RFC5: variants seen among roughly 807,000 people sequenced by gnomAD.
RFC5 encodes the protein A1 36 kDa subunit.
A neutral mutation model predicts 44.3 loss-of-function variants in RFC5; 26 were observed. The ratio of observed to expected loss-of-function variants is 0.59; its 90% CI spans 0.43 to 0.81. The LOEUF is 0.81. Ranked by LOEUF, RFC5 falls within the 40% of genes least tolerant of loss-of-function variation. The pLI, the probability that RFC5 is intolerant of heterozygous loss-of-function variation, is 0.00. For synonymous variants in RFC5, 155 were observed against 155.2 expected, an observed-to-expected ratio of 1.00 and a Z score of 0.01; for missense variants, 328 against 418.6, an observed-to-expected ratio of 0.78 and a Z score of 1.89.
chr12:118,035,445 G>GC (rs2031489406), downstream of RFC5: 1 of 782,944 alleles, frequency 1.3e-6, no homozygotes, highest in Non-Finnish European at 2.1e-6. Flanking sequence ...TGCATTGTGT[G>GC]CCCCTCGTGG....
intron 8 of RFC5, 156 bp downstream of exon 8, chr12:118,027,174 G>A: frequency 1.4e-6 from 1 of 706,304 alleles, no homozygotes; most frequent in Admixed American, 2.5e-5. Context: ...AGGTGGAGTG[G>A]GTACTTGTCT....
At chr12:118,018,644 C>G (rs887401614) in intron 1 of RFC5, among the ~76,000 whole-genome samples, 1 of 151,970 alleles carries the variant, frequency 6.6e-6, no homozygotes, top group Non-Finnish European at 1.5e-5. Context: ...CTCTGTCGCC[C>G]AGGCTGGAGT....
Position 118,031,298 on chromosome 12 carries a change from C to G in RFC5, c.*20C>G, listed in dbSNP as rs780496791. The G allele has an allele frequency of 1.3e-6, 2 of 1,506,850 alleles. No homozygotes were observed. Among genetic ancestry groups the G allele is most frequent in the Non-Finnish European group, 9.2e-7 (1 of 1,083,150 alleles). The allele number at this position is 1,506,850 out of a possible 1,614,324, so 93.3% of individuals were successfully genotyped here. ...GCCTAGATGCTCTGAGGGCCATTCA[C>G]AATTCTCAGGGCTCAGCAGTGATGG... On this transcript the variant is annotated 3_prime_UTR_variant, in exon 11 of 11. Coordinates refer to ENST00000454402, the MANE Select transcript of RFC5 (RefSeq NM_007370.7).
rs780684800 is a variant in RFC5, at chr12:118,020,902, T to G, written c.268-4T>G. The G allele has an allele frequency of 6.2e-7, 1 of 1,604,308 alleles. No individual in the cohort carries two copies. Among genetic ancestry groups the G allele is most frequent in the Non-Finnish European group, 8.5e-7 (1 of 1,171,792 alleles). ...TTGTTTTGTCTTCTGTCTTCCACAT[T>G]TAGCTGAATGCTTCAGATGACCGAG... On this transcript the variant is annotated splice_region_variant and splice_polypyrimidine_tract_variant and intron_variant, in intron 3 of 10. Coordinates refer to ENST00000454402, the MANE Select transcript of RFC5 (RefSeq NM_007370.7).
Position 118,031,286 on chromosome 12 carries a change from G to A in RFC5, c.*8G>A. ...ATTGTTGCAGAGGCCTAGATGCTCT[G>A]AGGGCCATTCACAATTCTCAGGGCT... On this transcript the variant is annotated 3_prime_UTR_variant, in exon 11 of 11. Transcript: ENST00000454402. 1 of 1,580,376 alleles carries A rather than the reference G, an allele frequency of 6.3e-7. No individual in the cohort carries two copies. Among genetic ancestry groups the A allele is most frequent in the Non-Finnish European group, 8.7e-7 (1 of 1,149,908 alleles).
At chr12:118,038,416 G>A in the RFC5 span, 80 of 1,605,944 alleles carry the variant, frequency 5.0e-5, no homozygotes, top group Non-Finnish European at 6.6e-5. Flanking sequence ...CAAACAATGA[G>A]CCAGTCCTCA....
chr12:118,019,809 C>T lies in RFC5; in HGVS notation c.267+41C>T, dbSNP rs1224249518. 2.6e-6 allele frequency: 4 copies of T among 1,522,534 alleles called. No homozygotes were observed. The highest frequency in any genetic ancestry group is 1.9e-5 in the Admixed American group (1 of 52,620). 94.3% of individuals were successfully genotyped at this position (1,522,534 alleles called of 1,614,324 possible). Reference sequence around the variant, plus strand: ...CTTACTCTACAAATAACTTAAGAGACTCCAGTCTCTTAATTTCAGTTCTGC... The same window carrying T: ...CTTACTCTACAAATAACTTAAGAGATTCCAGTCTCTTAATTTCAGTTCTGC... On this transcript the variant is annotated intron_variant, in intron 3 of 10. Coordinates refer to ENST00000454402, the MANE Select transcript of RFC5 (RefSeq NM_007370.7). This position sits in a 1 kb window ranked among gnomAD's most constrained non-coding sequence, Gnocchi z 4.2.
At chr12:118,023,636 C>T (rs2030706620) in intron 5 of RFC5, among the ~76,000 whole-genome samples, 1 of 152,020 alleles carries the variant, frequency 6.6e-6, no homozygotes, top group Admixed American at 6.6e-5. Context: ...ACATTGGGTA[C>T]CTACAGAATG....
In RFC5 at chr12:118,019,237, T is replaced by C. The variant is rs2030319162; in HGVS notation, c.130+101T>C. ...TAAGTAATAACTTCAAAGAATCTGA[T>C]TGCGCTTTGTAGAATGTGGCTTTAA... On this transcript the variant is annotated intron_variant, in intron 2 of 10. Coordinates refer to ENST00000454402, the MANE Select transcript of RFC5 (RefSeq NM_007370.7). This position sits in a 1 kb window ranked among gnomAD's most constrained non-coding sequence, Gnocchi z 4.2. 6.9e-6 allele frequency: 6 copies of C among 872,180 alleles called. No homozygotes were observed. The East Asian group carries it at 7.3e-5, about 11-fold the overall frequency. 54.0% of individuals were successfully genotyped at this position (872,180 alleles called of 1,614,324 possible).
chr12:118,034,526 A>G (rs2031454500), downstream of RFC5: 1 of 749,200 alleles, frequency 1.3e-6, no homozygotes, highest in African/African-American at 1.8e-5. Context: ...GAATAATTAA[A>G]GCTGCTGATA....
At chr12:118,034,025 G>A, downstream of RFC5, 1 of 844,374 alleles carries the variant, frequency 1.2e-6, no homozygotes, top group Non-Finnish European at 1.8e-6. Context: ...ACATGCCAGG[G>A]AGAGAAAGAT....
the RFC5 span, among the ~76,000 whole-genome samples, chr12:118,039,711 G>A: frequency 6.6e-6 from 1 of 151,898 alleles, no homozygotes; most frequent in Admixed American, 6.6e-5. Context: ...TTATGCGGAT[G>A]TATGGATCCA....
At chr12:118,026,826 C>T (rs868685971) in intron 7 of RFC5, 63 bp from the exon 8 acceptor site, 11 of 1,574,884 alleles carry the variant, frequency 7.0e-6, no homozygotes, top group Middle Eastern at 2.0e-4. Context: ...TCTTGGCTCC[C>T]TGCAGCTTGG....
At chr12:118,027,562 C>T (rs953123697) in intron 8 of RFC5, among the ~76,000 whole-genome samples, 1 of 151,588 alleles carries the variant, frequency 6.6e-6, no homozygotes, top group Non-Finnish European at 1.5e-5. Context: ...GTTCCAGCTA[C>T]TCGGGAGGCT....
At chr12:118,016,990 C>A in intron 1 of RFC5, 98 bp downstream of exon 1, 1 of 951,318 alleles carries the variant, frequency 1.1e-6, no homozygotes, top group Non-Finnish European at 1.7e-6. Flanking sequence ...CCCAACCCGA[C>A]CTCTTCCCGT....
At chr12:118,025,129 A>C in intron 6 of RFC5, 119 bp downstream of exon 6, 5 of 856,230 alleles carry the variant, frequency 5.8e-6, no homozygotes, top group Non-Finnish European at 7.1e-6. Flanking sequence ...AGTGCCTAGC[A>C]CAGGGGAGGC....
chr12:118,022,423 T>C (rs1439881859), intron 5 of RFC5, 64 bp downstream of exon 5: 1 of 1,132,318 alleles, frequency 8.8e-7, no homozygotes, highest in African/African-American at 1.5e-5. Context: ...TTAGGAACTT[T>C]GTGTTTGTTG....
intron 5 of RFC5, among the ~76,000 whole-genome samples, chr12:118,023,798 G>A (rs978533289): frequency 7.3e-6 from 1 of 136,164 alleles, no homozygotes; most frequent in African/African-American, 2.9e-5. Flanking sequence ...ATAATTTTAT[G>A]TAAAAGGACA....
rs5745881 is a variant in RFC5 at position 118,029,937 on chromosome 12, G to A, written c.926+112G>A. 1.4e-3 allele frequency: 1,084 copies of A among 797,738 alleles called. 14 individuals carry two copies. The East Asian group carries it at 0.023, about 17-fold the overall frequency. The allele number at this position is 797,738 out of a possible 1,614,324, so 49.4% of individuals were successfully genotyped here. Reference sequence around the variant, plus strand: ...TTTTTTTCCTAAATCGTTCACATACGGTACAATCTAGTCTGGTGATATTGA... The same window carrying A: ...TTTTTTTCCTAAATCGTTCACATACAGTACAATCTAGTCTGGTGATATTGA... On this transcript the variant is annotated intron_variant, in intron 10 of 10. Coordinates refer to ENST00000454402, the MANE Select transcript of RFC5 (RefSeq NM_007370.7).
Sources: allele counts gnomAD v4.1 joint callset (sites outside exome capture counted in the v4.1 genomes callset), GRCh38; gene constraint gnomAD v4.1.1; non-coding constraint Gnocchi (gnomAD v3.1); transcripts MANE v1.5; gene names NCBI Gene and HGNC (gene_info 2026-07-23, HGNC 2026-07-21).